Variants in TPST2 observed in about 807,000 individuals in gnomAD.
TPST2 encodes the protein tyrosylprotein sulfotransferase 2.
TPST2 carries 16 observed loss-of-function variants against 27.8 expected under a neutral mutation model. The observed-to-expected ratio is 0.58, with a 90% CI of 0.39 to 0.88. The LOEUF (loss-of-function observed/expected upper bound fraction) is 0.88. Among genes scored for constraint, TPST2 ranks in the 40% least tolerant of loss-of-function variants. The pLI is 0.00. For missense variants in TPST2, 464 were observed against 543.1 expected (o/e 0.85, Z 1.45); for synonymous variants, 229 against 231.7 (o/e 0.99, Z 0.10).
In TPST2 at chr22:26,546,102, A is replaced by C. The variant is rs371721089; in HGVS notation, c.-160-1427T>G. ...AAAAAAAAAAAAAAAGAAAAAAAAA[A>C]CTCAGCTTTTATTATTTGTGCCATG... On this transcript the variant is annotated intron_variant, in intron 1 of 6. Transcript: ENST00000338754. Among the ~76,000 whole-genome samples the C allele has an allele frequency of 1.5e-3, 234 of 151,420 alleles. 2 individuals are homozygous for C. Among genetic ancestry groups the C allele is most frequent in the Middle Eastern group, 6.8e-3 (2 of 294 alleles).
chr22:26,550,691 C>A, intron 1 of TPST2: 1 of 983,618 alleles, frequency 1.0e-6, no homozygotes, highest in Non-Finnish European at 1.2e-6. Flanking sequence ...ATTCCATTGC[C>A]ATGGCTATTC....
At chr22:26,567,185 G>T (rs1196901364) in intron 1 of TPST2, among the ~76,000 whole-genome samples, 1 of 152,234 alleles carries the variant, frequency 6.6e-6, no homozygotes, top group Non-Finnish European at 1.5e-5. Context: ...GCCCAAGCCT[G>T]TACCTGAACA....
intron 1 of TPST2, among the ~76,000 whole-genome samples, chr22:26,585,531 G>T (rs997667010): frequency 2.0e-5 from 3 of 152,182 alleles, no homozygotes; most frequent in Non-Finnish European, 4.4e-5. Context: ...GTACATGCAG[G>T]TCCTCAGAGG....
Position 26,551,030 on chromosome 22 carries a change from A to G in TPST2, c.-160-6355T>C, listed in dbSNP as rs557599401. On this transcript the variant is annotated intron_variant, in intron 1 of 6. Coordinates refer to ENST00000338754, the MANE Select transcript of TPST2 (RefSeq NM_003595.5). ...TGGCTCACGCCAGGCATGGTGGCTCATGCCTATAATCCCGGCACTTTGGGA... is the reference window on the plus strand; with the variant it reads ...TGGCTCACGCCAGGCATGGTGGCTCGTGCCTATAATCCCGGCACTTTGGGA... 2.0e-5 allele frequency among the ~76,000 whole-genome samples: 3 copies of G among 152,380 alleles called. No individual in the cohort carries two copies. The South Asian group carries it at 6.2e-4, about 32-fold the overall frequency.
chr22:26,585,016 C>T (rs1928286346), intron 1 of TPST2, among the ~76,000 whole-genome samples: 1 of 152,206 alleles, frequency 6.6e-6, no homozygotes, highest in Admixed American at 6.5e-5. Flanking sequence ...AAGTGCTTTA[C>T]CACCATTCCC....
At chr22:26,531,015 C>A (rs1569176708) in intron 5 of TPST2, among the ~76,000 whole-genome samples, 1 of 151,828 alleles carries the variant, frequency 6.6e-6, no homozygotes, top group Admixed American at 6.6e-5. Context: ...ATCTCAAAAA[C>A]AAAAACAAAA....
chr22:26,586,724 C>T (rs566920042), intron 1 of TPST2, among the ~76,000 whole-genome samples: 3 of 152,308 alleles, frequency 2.0e-5, no homozygotes, highest in African/African-American at 4.8e-5. Context: ...AACTGGAACA[C>T]GCAGATAAGT....
intron 1 of TPST2, among the ~76,000 whole-genome samples, chr22:26,560,027 T>G (rs1927005802): frequency 6.6e-6 from 1 of 152,138 alleles, no homozygotes; most frequent in Non-Finnish European, 1.5e-5. Context: ...AGAAGATGAT[T>G]TCTAGATTTG....
intron 1 of TPST2, among the ~76,000 whole-genome samples, chr22:26,563,116 C>T (rs935771460): frequency 2.0e-5 from 3 of 152,154 alleles, no homozygotes; most frequent in Admixed American, 6.5e-5. Context: ...TGACTGGGTT[C>T]ACTGAACACG....
chr22:26,567,425 G>A (rs1005949774), intron 1 of TPST2, among the ~76,000 whole-genome samples: 3 of 152,182 alleles, frequency 2.0e-5, no homozygotes, highest in African/African-American at 7.2e-5. Flanking sequence ...AGCCATGCAA[G>A]GCCAGTTTTG....
chr22:26,584,749 T>A (rs1001963536), intron 1 of TPST2, among the ~76,000 whole-genome samples: 1 of 152,256 alleles, frequency 6.6e-6, no homozygotes, highest in African/African-American at 2.4e-5. Context: ...CCTAGCTGGG[T>A]GACCTTGTGC....
At chr22:26,589,567 G>A (rs1452788247) in intron 1 of TPST2, among the ~76,000 whole-genome samples, 2 of 152,166 alleles carry the variant, frequency 1.3e-5, no homozygotes, top group Non-Finnish European at 2.9e-5. Flanking sequence ...CACCTCCCCA[G>A]CCGACGATTT....
At chr22:26,552,661 A>T (rs556290877) in intron 1 of TPST2, among the ~76,000 whole-genome samples, 1 of 152,198 alleles carries the variant, frequency 6.6e-6, no homozygotes, top group Non-Finnish European at 1.5e-5. Context: ...TGACACATAC[A>T]TGAAGGCAAG....
chr22:26,561,693 A>G (rs1569190527), intron 1 of TPST2, among the ~76,000 whole-genome samples: 1 of 152,142 alleles, frequency 6.6e-6, no homozygotes, highest in Non-Finnish European at 1.5e-5. Flanking sequence ...TATCATCATT[A>G]TTACTATTAT....
At chr22:26,539,585 A>G (rs2147186238) in intron 3 of TPST2, among the ~76,000 whole-genome samples, 1 of 150,628 alleles carries the variant, frequency 6.6e-6, no homozygotes, top group African/African-American at 2.4e-5. Flanking sequence ...AGACATACTG[A>G]GATCTCATCT....
intron 1 of TPST2, among the ~76,000 whole-genome samples, chr22:26,580,005 G>A (rs1356419245): frequency 3.3e-5 from 5 of 152,134 alleles, no homozygotes; most frequent in Non-Finnish European, 5.9e-5. Context: ...AGTACTTTGG[G>A]AGGCTGAGGC....
intron 1 of TPST2, among the ~76,000 whole-genome samples, chr22:26,545,417 T>C (rs1247646032): frequency 6.6e-6 from 1 of 152,226 alleles, no homozygotes; most frequent in African/African-American, 2.4e-5. Context: ...AGTCCTGGCA[T>C]GTAGCCAGAA....
At chr22:26,532,442 G>C (rs111671441) in intron 5 of TPST2, among the ~76,000 whole-genome samples, 1 of 152,104 alleles carries the variant, frequency 6.6e-6, no homozygotes, top group Non-Finnish European at 1.5e-5. Flanking sequence ...CACTACGCCC[G>C]GATAATTTTT....
rs142951921 is a variant in TPST2, at chr22:26,577,172, G to T, written c.-161+12881C>A. 6.1e-3 allele frequency among the ~76,000 whole-genome samples: 927 copies of T among 150,882 alleles called. 12 individuals carry two copies. Among genetic ancestry groups the T allele is most frequent in the African/African-American group, 0.022 (885 of 41,116 alleles). The stretch of plus-strand genomic sequence containing the variant: ...CTTGTAGTCCCTGCTACTTGGGAGG[G>T]TGAGATCACTTGAGCCCAGGAATTC... On this transcript the variant is annotated intron_variant, in intron 1 of 6. Coordinates refer to ENST00000338754, the MANE Select transcript of TPST2 (RefSeq NM_003595.5).
Sources: allele counts gnomAD v4.1 joint callset (sites outside exome capture counted in the v4.1 genomes callset), GRCh38; gene constraint gnomAD v4.1.1; transcripts MANE v1.5; gene names NCBI Gene and HGNC (gene_info 2026-07-23, HGNC 2026-07-21).